EXOC6B: variants seen among roughly 807,000 people sequenced by gnomAD.
EXOC6B encodes the protein exocyst complex component 6B.
EXOC6B carries 54 observed loss-of-function variants against 113.5 expected under a neutral mutation model. The ratio of observed to expected loss-of-function variants is 0.48; its 90% CI spans 0.38 to 0.60. The LOEUF (loss-of-function observed/expected upper bound fraction) is 0.60. EXOC6B is among the 20% of genes least tolerant of loss of function. EXOC6B has a pLI of 0.00. For missense variants in EXOC6B, 797 were observed against 977.5 expected, an observed-to-expected ratio of 0.82 and a Z score of 2.46; for synonymous variants, 357 against 339.0, an observed-to-expected ratio of 1.05 and a Z score of -0.58.
chr2:72,824,577 C>G (rs767571619), intron 1 of EXOC6B, among the ~76,000 whole-genome samples: 8 of 152,078 alleles, frequency 5.3e-5, no homozygotes, highest in Non-Finnish European at 7.4e-5. Context: ...AGCCTGCCCT[C>G]CAATTAGTCT....
chr2:72,638,266 A>G (rs996352605), intron 6 of EXOC6B, among the ~76,000 whole-genome samples: 1 of 152,198 alleles, frequency 6.6e-6, no homozygotes, highest in African/African-American at 2.4e-5. Context: ...AGACATGGAT[A>G]CATTCCTAGA....
chr2:72,676,506 A>G (rs1000133733), intron 6 of EXOC6B, among the ~76,000 whole-genome samples: 1 of 151,704 alleles, frequency 6.6e-6, no homozygotes, highest in Non-Finnish European at 1.5e-5. Flanking sequence ...ACGCAGTAAG[A>G]AAAAAAAATA....
intron 20 of EXOC6B, among the ~76,000 whole-genome samples, chr2:72,279,981 A>G (rs1184139303): frequency 6.6e-6 from 1 of 152,166 alleles, no homozygotes; most frequent in South Asian, 2.1e-4. Context: ...ACTGAGGAAT[A>G]ACAACATCTA....
At chr2:72,742,598 TG>T (rs752184530) in intron 1 of EXOC6B, among the ~76,000 whole-genome samples, 2 of 152,232 alleles carry the variant, frequency 1.3e-5, no homozygotes, top group African/African-American at 2.4e-5. Context: ...GCATTTGATA[TG>T]GTTTTATATT....
intron 16 of EXOC6B, among the ~76,000 whole-genome samples, chr2:72,481,488 C>A (rs1021362877): frequency 8.5e-5 from 13 of 152,150 alleles, no homozygotes; most frequent in African/African-American, 3.1e-4. Context: ...ACCAAAAGAA[C>A]AGGAATCATT....
intron 2 of EXOC6B, among the ~76,000 whole-genome samples, chr2:72,736,128 T>C (rs1680938422): frequency 6.7e-6 from 1 of 150,220 alleles, no homozygotes. Flanking sequence ...AAGTTTGCAG[T>C]GAGCCGAGAT....
At chr2:72,422,774 T>C (rs1694975419) in intron 18 of EXOC6B, among the ~76,000 whole-genome samples, 1 of 152,180 alleles carries the variant, frequency 6.6e-6, no homozygotes. Context: ...CTAGCTGCTA[T>C]GGTGGGGCCT....
intron 20 of EXOC6B, among the ~76,000 whole-genome samples, chr2:72,256,533 A>G (rs1683364506): frequency 6.6e-6 from 1 of 152,210 alleles, no homozygotes; most frequent in African/African-American, 2.4e-5. Flanking sequence ...GACTGGGCAG[A>G]TCACAAATTC....
chr2:72,345,069 A>G (rs1689250529), intron 19 of EXOC6B, among the ~76,000 whole-genome samples: 2 of 152,038 alleles, frequency 1.3e-5, no homozygotes, highest in Admixed American at 1.3e-4. Flanking sequence ...CACACGCACA[A>G]TTGCCTGCCA....
At chr2:72,375,717 C>T (rs980278117) in intron 19 of EXOC6B, among the ~76,000 whole-genome samples, 1 of 151,796 alleles carries the variant, frequency 6.6e-6, no homozygotes, top group African/African-American at 2.4e-5. Flanking sequence ...AGAAGATAAT[C>T]TCAAATAAAT....
chr2:72,537,689 T>C (rs555188989), intron 8 of EXOC6B, among the ~76,000 whole-genome samples: 2 of 152,230 alleles, frequency 1.3e-5, no homozygotes, highest in Middle Eastern at 3.4e-3. Context: ...TATATAAAAA[T>C]TCTAGCGGAA....
At chr2:72,266,599 G>T (rs1005599027) in intron 20 of EXOC6B, among the ~76,000 whole-genome samples, 1 of 152,026 alleles carries the variant, frequency 6.6e-6, no homozygotes, top group African/African-American at 2.4e-5. Context: ...GCTCTGTTCT[G>T]TTCCATTGAT....
chr2:72,561,256 T>C (rs553893097), intron 7 of EXOC6B, among the ~76,000 whole-genome samples: 18 of 152,202 alleles, frequency 1.2e-4, no homozygotes, highest in South Asian at 8.3e-4. Flanking sequence ...TCAAACATGA[T>C]ATTCACAATA....
At chr2:72,546,771 GAC>G (rs1474347158) in intron 8 of EXOC6B, among the ~76,000 whole-genome samples, 2 of 152,208 alleles carry the variant, frequency 1.3e-5, no homozygotes, top group African/African-American at 4.8e-5. Flanking sequence ...AAAGATTTAT[GAC>G]ACAGAAATAA....
intron 6 of EXOC6B, among the ~76,000 whole-genome samples, chr2:72,642,399 C>G (rs1417154837): frequency 7.0e-6 from 1 of 141,918 alleles, no homozygotes; most frequent in Non-Finnish European, 1.5e-5. Flanking sequence ...CAGCATGGTA[C>G]TGGTACCAAA....
chr2:72,359,857 C>G (rs1428804849), intron 19 of EXOC6B, among the ~76,000 whole-genome samples: 1 of 152,070 alleles, frequency 6.6e-6, no homozygotes, highest in Non-Finnish European at 1.5e-5. Flanking sequence ...GTGCCCTCCC[C>G]ACAGTAATGA....
intron 8 of EXOC6B, among the ~76,000 whole-genome samples, chr2:72,547,711 C>G (rs769886718): frequency 4.3e-4 from 66 of 152,084 alleles, no homozygotes; most frequent in African/African-American, 1.5e-3. Flanking sequence ...CCAAATTGAG[C>G]TGGGTTTGAG....
At chr2:72,452,763 G>T (rs573392705) in intron 18 of EXOC6B, among the ~76,000 whole-genome samples, 246 of 152,320 alleles carry the variant, frequency 1.6e-3, no homozygotes, top group Non-Finnish European at 3.1e-3. Flanking sequence ...ACTTTAAAAT[G>T]TGGGGATTAT....
At chr2:72,645,855 A>G (rs930939485) in intron 6 of EXOC6B, among the ~76,000 whole-genome samples, 1 of 152,138 alleles carries the variant, frequency 6.6e-6, no homozygotes, top group Non-Finnish European at 1.5e-5. Context: ...ATCTAAAATC[A>G]ACACCCTAAC....
Sources: gnomAD v4.1 joint callset for allele counts (sites outside exome capture counted in the v4.1 genomes callset) on GRCh38, gnomAD v4.1.1 for gene constraint, MANE v1.5 for transcripts, NCBI Gene and HGNC (gene_info 2026-07-23, HGNC 2026-07-21) for gene names.